Variants in PCDHA5 observed in about 807,000 individuals in gnomAD.
PCDHA5 encodes protocadherin alpha 5, also known as protocadherin alpha-5.
A neutral mutation model predicts 61.6 loss-of-function variants in PCDHA5; 43 were observed. The observed-to-expected ratio is 0.70, with a 90% confidence interval of 0.55 to 0.90. The LOEUF is 0.90. Among genes scored for constraint, PCDHA5 ranks in the 40% least tolerant of loss-of-function variants. PCDHA5 has a pLI of 0.00. For missense variants in PCDHA5, 1,298 were observed against 1,222.7 expected, an observed-to-expected ratio of 1.06 and a Z score of -0.92; for synonymous variants, 627 against 543.9, an observed-to-expected ratio of 1.15 and a Z score of -2.13.
rs2096146085 is a variant in PCDHA5 at position 140,967,476 on chromosome 5, G to T, written c.2353-11473G>T. ...GCCGTGGATGGGGGCATCCCAGCCC[G>T]CTCGGGTACGGCACAGATCTCTGTG... On this transcript the variant is annotated intron_variant, in intron 1 of 3. Transcript: ENST00000529859. The T allele has an allele frequency of 6.2e-7, 1 of 1,613,324 alleles. No individual in the cohort carries two copies. The highest frequency in any genetic ancestry group is 1.3e-5 in the African/African-American group (1 of 75,056).
intron 1 of PCDHA5, chr5:140,828,554 G>A: frequency 6.2e-7 from 1 of 1,614,212 alleles, no homozygotes; most frequent in South Asian, 1.1e-5. Flanking sequence ...GTTTCCACTG[G>A]AGGGCGCGTC....
intron 1 of PCDHA5, among the ~76,000 whole-genome samples, chr5:140,954,934 T>A (rs1417357535): frequency 2.6e-5 from 4 of 152,208 alleles, no homozygotes; most frequent in African/African-American, 9.6e-5. Flanking sequence ...TTAATTAATC[T>A]TGAGTTAATT....
Position 140,850,710 on chromosome 5 carries a change from C to T in PCDHA5, c.2352+26583C>T, listed in dbSNP as rs149535933. The T allele has an allele frequency of 3.1e-6, 5 of 1,597,920 alleles. No homozygotes were observed. The African/African-American group carries it at 6.7e-5, about 22-fold the overall frequency. On this transcript the variant is annotated intron_variant, in intron 1 of 3. Coordinates refer to ENST00000529859, the MANE Select transcript of PCDHA5 (RefSeq NM_018908.3). ...CGAGTGCGCGCCTGGCAAGCCGACG[C>T]TGGTGTGTTCTAGCGCGGTGGGGAG... is the stretch of plus-strand genomic sequence containing the variant.
rs2150182474 is a variant in PCDHA5 at position 140,830,181 on chromosome 5, A to G, written c.2352+6054A>G. The G allele has an allele frequency of 8.7e-6, 14 of 1,613,592 alleles. No individual in the cohort carries two copies. The East Asian group carries it at 1.8e-4, about 21-fold the overall frequency. Reference sequence around the variant, plus strand: ...CCAGAGGCGGCGCTGGTGGATGTCAACGTGTACCTGATCATCGCCATCTGC... The same window carrying G: ...CCAGAGGCGGCGCTGGTGGATGTCAGCGTGTACCTGATCATCGCCATCTGC... On this transcript the variant is annotated intron_variant, in intron 1 of 3. Transcript: ENST00000529859.
At chr5:140,984,030 A>T (rs900763001) in intron 3 of PCDHA5, among the ~76,000 whole-genome samples, 17 of 152,330 alleles carry the variant, frequency 1.1e-4, no homozygotes, top group African/African-American at 3.6e-4. Context: ...AAGGGGAAAA[A>T]CATAAAATAG....
rs144568392 is a variant in PCDHA5 at position 140,837,758 on chromosome 5, C to T, written c.2352+13631C>T. Among the ~76,000 whole-genome samples the T allele has an allele frequency of 1.3e-4, 19 of 151,820 alleles. No homozygotes were observed. The South Asian group carries it at 1.5e-3, about 12-fold the overall frequency. On this transcript the variant is annotated intron_variant, in intron 1 of 3. Transcript: ENST00000529859. ...GTGGTGGGATTATAGCCCACTGCAA[C>T]CTGAAAGTCCTGGGCTCACAGGATC...
chr5:140,851,247 G>A (rs1554145321), intron 1 of PCDHA5: 3 of 1,093,404 alleles, frequency 2.7e-6, no homozygotes. Flanking sequence ...GCTAAATGAT[G>A]CATAGTATTT....
chr5:140,822,371 T>C lies in PCDHA5; in HGVS notation c.596T>C (p.Leu199Ser). ...TTAGAGCTGGTTTTGAGGAAATCCTTAGATAGAGAAGAAACACAAGAACAC... is the reference window on the plus strand; with the variant it reads ...TTAGAGCTGGTTTTGAGGAAATCCTCAGATAGAGAAGAAACACAAGAACAC... ...NFLELVLRKS[L>S]DREETQEHRL... Residue 199 changes from leucine to serine, a missense_variant, in exon 1 of 4, where the codon TTA becomes TCA. By Grantham distance (145) the Leu-to-Ser change is moderately radical. Coordinates refer to ENST00000529859, the MANE Select transcript of PCDHA5 (RefSeq NM_018908.3). The C allele has an allele frequency of 1.2e-6, 2 of 1,614,080 alleles. No individual in the cohort carries two copies. The highest frequency in any genetic ancestry group is 2.2e-5 in the South Asian group (2 of 91,078).
At chr5:140,871,316 TGGTGTGCTCCCGCGC>T in intron 1 of PCDHA5, 1 of 1,614,034 alleles carries the variant, frequency 6.2e-7, no homozygotes, top group Non-Finnish European at 8.5e-7. Context: ...AAGCCCACGC[TGGTGTGCTCCCGCGC>T]GGTGGGGAGC....
At position 140,906,523 on chromosome 5, in the gene PCDHA5, C is replaced by T. The variant is rs145617697; in HGVS notation, c.2353-72426C>T. Among the ~76,000 whole-genome samples, 1,221 of 152,284 alleles carry T rather than the reference C, an allele frequency of 8.0e-3. 6 individuals are homozygous for T. The highest frequency in any genetic ancestry group is 0.019 in the African/African-American group (786 of 41,540). On this transcript the variant is annotated intron_variant, in intron 1 of 3. Transcript: ENST00000529859. ...TTAACAAAGAAGGAGGAAATACTCA[C>T]GACAATTAAAATCCTCATTTCTGCA...
intron 1 of PCDHA5, among the ~76,000 whole-genome samples, chr5:140,909,448 C>A (rs547019806): frequency 6.6e-6 from 1 of 152,284 alleles, no homozygotes; most frequent in South Asian, 2.1e-4. Context: ...TGTCATTCTC[C>A]AAGATCCATC....
rs1459360410 is a variant in PCDHA5 at position 140,851,559 on chromosome 5, A to C, written c.2352+27432A>C. 4 of 909,446 alleles carry C rather than the reference A, an allele frequency of 4.4e-6. 1 individual carries two copies. In the East Asian group the frequency reaches 3.5e-4, roughly 79 times the overall value. The allele number at this position is 909,446 out of a possible 1,614,324, so 56.3% of individuals were successfully genotyped here. A position where few individuals can be genotyped will look rare whatever the true frequency, so the allele number is the denominator to read the frequency against. ...AGATAATTCAAGAAATGTTGACTGA[A>C]ATTTTGTCTACACTTAGAACATTTT... is the stretch of plus-strand genomic sequence containing the variant. On this transcript the variant is annotated intron_variant, in intron 1 of 3. Transcript: ENST00000529859.
intron 1 of PCDHA5, chr5:140,858,518 A>G: frequency 7.0e-7 from 1 of 1,420,434 alleles, no homozygotes; most frequent in African/African-American, 1.4e-5. Context: ...TATGTATCAG[A>G]ATATTTCATT....
intron 1 of PCDHA5, chr5:140,857,643 T>C (rs1406049950): frequency 4.4e-6 from 7 of 1,596,508 alleles, no homozygotes; most frequent in Non-Finnish European, 5.1e-6. Flanking sequence ...CTGCTACAGT[T>C]CCAGGTGAGC....
intron 2 of PCDHA5, 158 bp downstream of exon 2, chr5:140,979,165 A>G (rs1586797430): frequency 1.0e-6 from 1 of 970,900 alleles, no homozygotes; most frequent in South Asian, 4.8e-5. Flanking sequence ...TTATTCCTTG[A>G]AAGATCGCAA....
chr5:140,836,235 G>T (rs1774308419), intron 1 of PCDHA5: 1 of 1,613,794 alleles, frequency 6.2e-7, no homozygotes, highest in Admixed American at 1.7e-5. Flanking sequence ...GGCGGCCGGT[G>T]CGAGCATCCC....
At chr5:140,932,145 C>G (rs1231469475) in intron 1 of PCDHA5, among the ~76,000 whole-genome samples, 2 of 151,710 alleles carry the variant, frequency 1.3e-5, no homozygotes, top group African/African-American at 4.8e-5. Context: ...AAAATTGATT[C>G]ACTGATTGTA....
Position 140,925,039 on chromosome 5 carries a change from A to C in PCDHA5, c.2353-53910A>C, listed in dbSNP as rs554229960. ...GATGGGAGGATCGCTTGAGCCCAGA[A>C]GTTTGAGACCAGACTGGGCAACAAA... On this transcript the variant is annotated intron_variant, in intron 1 of 3. Coordinates refer to ENST00000529859, the MANE Select transcript of PCDHA5 (RefSeq NM_018908.3). Among the ~76,000 whole-genome samples the C allele has an allele frequency of 1.1e-4, 16 of 152,028 alleles. 1 individual carries two copies. The highest frequency in any genetic ancestry group is 1.6e-4 in the Non-Finnish European group (11 of 67,960).
intron 1 of PCDHA5, chr5:140,930,248 C>T (rs2086692121): frequency 1.3e-5 from 2 of 152,178 alleles, no homozygotes; most frequent in South Asian, 4.1e-4. Flanking sequence ...GTCCATTCAA[C>T]TTGGATTTAA....
Sources: gnomAD v4.1 joint callset for allele counts (sites outside exome capture counted in the v4.1 genomes callset) on GRCh38, gnomAD v4.1.1 for gene constraint, MANE v1.5 for transcripts, NCBI Gene and HGNC (gene_info 2026-07-23, HGNC 2026-07-21) for gene names.